Variants in SCAF11 observed in about 807,000 individuals in gnomAD.
The protein encoded by SCAF11 is SR-related CTD associated factor 11.
SCAF11 carries 47 observed loss-of-function variants against 140.5 expected under a neutral mutation model. The ratio of observed to expected loss-of-function variants is 0.33; its 90% CI spans 0.26 to 0.43. The LOEUF (loss-of-function observed/expected upper bound fraction) is 0.43, where lower values mean the gene tolerates loss of function less well. Among genes scored for constraint, SCAF11 ranks in the 20% least tolerant of loss-of-function variants. The probability of loss-of-function intolerance (pLI) is 1.00; values close to 1 mark genes in which losing one functional copy is unlikely to be tolerated. For missense variants in SCAF11, 1,645 were observed against 1,705.1 expected, an observed-to-expected ratio of 0.96 and a Z score of 0.62; for synonymous variants, 557 against 579.4, an observed-to-expected ratio of 0.96 and a Z score of 0.55.
chr12:45,950,172 G>A (rs1240011967), intron 4 of SCAF11, among the ~76,000 whole-genome samples: 1 of 152,146 alleles, frequency 6.6e-6, no homozygotes, highest in Non-Finnish European at 1.5e-5. Context: ...GGACCTTGGT[G>A]AGGGTAGTGT....
At position 45,926,212 on chromosome 12, in the gene SCAF11, TGAG is replaced by T; in HGVS notation, c.3486_3488del (p.Tyr1162_Ser1163delinsTer). On this transcript the variant is annotated stop_gained and inframe_deletion, in exon 11 of 15. Transcript: ENST00000369367. LOFTEE classifies it high-confidence loss of function. The stretch of plus-strand genomic sequence containing the variant: ...GACCTGAAGAATTTCTGCCTCGTCG[TGAG>T]TAGTAGTTTTGTACATCTGCTGGCA... The T allele has an allele frequency of 6.2e-7, 1 of 1,614,206 alleles. No homozygotes were observed. The highest frequency in any genetic ancestry group is 8.5e-7 in the Non-Finnish European group (1 of 1,180,020).
chr12:45,959,221 T>C (rs1368863313), intron 3 of SCAF11, among the ~76,000 whole-genome samples: 2 of 151,796 alleles, frequency 1.3e-5, no homozygotes, highest in African/African-American at 4.8e-5. Flanking sequence ...TGAGCCGAGA[T>C]GGTTCCACTG....
intron 1 of SCAF11, among the ~76,000 whole-genome samples, chr12:45,987,644 C>A (rs11183271): frequency 6.6e-6 from 1 of 151,922 alleles, no homozygotes; most frequent in Non-Finnish European, 1.5e-5. Flanking sequence ...ACCACAACAG[C>A]GTAGGGGAAA....
At chr12:45,930,461 T>C (rs1368807293) in intron 10 of SCAF11, among the ~76,000 whole-genome samples, 15 of 150,628 alleles carry the variant, frequency 1.0e-4, no homozygotes, top group Non-Finnish European at 3.0e-5. Flanking sequence ...TTTTTGTTTT[T>C]TTTTTTTTTT....
In SCAF11 at chr12:45,990,315, C is replaced by T. The variant is rs1004634608; in HGVS notation, c.-22+38G>A. On this transcript the variant is annotated intron_variant, in intron 1 of 14. Coordinates refer to ENST00000369367, the MANE Select transcript of SCAF11 (RefSeq NM_004719.3). The stretch of plus-strand genomic sequence containing the variant: ...AACCCTCGTCTCTCCCAGACAGCTG[C>T]CCAAGCCCATCCACCCCGCGGGTCG... 32 of 1,231,810 alleles carry T rather than the reference C, an allele frequency of 2.6e-5. No homozygotes were observed. The South Asian group carries it at 2.9e-4, about 11-fold the overall frequency. The allele number at this position is 1,231,810 out of a possible 1,614,324, so 76.3% of individuals were successfully genotyped here.
At chr12:45,991,112 G>C (rs1043971803), upstream of SCAF11, among the ~76,000 whole-genome samples, 2 of 152,220 alleles carry the variant, frequency 1.3e-5, no homozygotes, top group African/African-American at 4.8e-5. Flanking sequence ...TGGCTGCGCT[G>C]CCCACCTGAA....
rs748802133 is a variant in SCAF11 at position 45,928,811 on chromosome 12, T to G, written c.890A>C (p.Glu297Ala). 6.6e-5 allele frequency: 106 copies of G among 1,612,936 alleles called. 1 individual carries two copies. Among genetic ancestry groups the G allele is most frequent in the Admixed American group, 1.5e-4 (9 of 59,984 alleles). The change falls in exon 11 of 15, where the codon GAA becomes GCA. Residue 297 changes from glutamate (E) to alanine (A), a missense_variant. Physicochemically the swap from Glu to Ala is moderately radical, Grantham distance 107. Around this residue, in one of 2 missense-constraint regions of SCAF11, gnomAD observed 1,582 missense variants for 1,609.2 expected, o/e 0.98. Coordinates refer to ENST00000369367, the MANE Select transcript of SCAF11 (RefSeq NM_004719.3). ...YALAHTQEGEEKKQTSGTSNT... is the reference protein window; with the variant it reads ...YALAHTQEGEAKKQTSGTSNT... ...TGATGTACCAGAAGTTTGCTTCTTT[T>G]CTTCCCCTTCTTGAGTATGTGCTAA...
chr12:45,926,203 G>A lies in SCAF11; in HGVS notation c.3498C>T (p.Gly1166=), dbSNP rs1237397720. ...ADVQNYYSRR[G]RNSSGPQSGW... is the part of the protein sequence containing the mutation. ...CAGACTGTGGACCTGAAGAATTTCT[G>A]CCTCGTCGTGAGTAGTAGTTTTGTA... Residue 1166 remains glycine (G), a synonymous_variant, in exon 11 of 15, where the codon GGC becomes GGT. Transcript: ENST00000369367. The A allele has an allele frequency of 6.2e-7, 1 of 1,614,092 alleles. No individual in the cohort carries two copies. The highest frequency in any genetic ancestry group is 1.1e-5 in the South Asian group (1 of 91,078).
chr12:45,946,401 A>C (rs1292421836), intron 5 of SCAF11, among the ~76,000 whole-genome samples: 1 of 152,238 alleles, frequency 6.6e-6, no homozygotes, highest in African/African-American at 2.4e-5. Flanking sequence ...GTAAATATCC[A>C]ACAGCTGACA....
intron 3 of SCAF11, chr12:45,961,362 T>C (rs1223989444): frequency 9.8e-6 from 7 of 714,864 alleles, no homozygotes; most frequent in Admixed American, 2.0e-5. Flanking sequence ...AAGGTGTTAT[T>C]AGTGGTAAAC....
chr12:45,970,562 G>A (rs1277696026), intron 1 of SCAF11, among the ~76,000 whole-genome samples: 1 of 152,196 alleles, frequency 6.6e-6, no homozygotes, highest in Non-Finnish European at 1.5e-5. Flanking sequence ...TTATGCCAAG[G>A]GCATACCAGT....
chr12:45,989,978 C>A (rs1254711578), intron 1 of SCAF11, among the ~76,000 whole-genome samples: 2 of 151,738 alleles, frequency 1.3e-5, no homozygotes, highest in East Asian at 3.9e-4. Context: ...AGCCCCTTCC[C>A]CCCCCCCCGT....
At position 45,926,311 on chromosome 12, in the gene SCAF11, C is replaced by T. The variant is rs1171422767; in HGVS notation, c.3390G>A (p.Glu1130=). The T allele has an allele frequency of 3.7e-6, 6 of 1,614,164 alleles. No homozygotes were observed. Among genetic ancestry groups the T allele is most frequent in the Non-Finnish European group, 4.2e-6 (5 of 1,180,022 alleles). Residue 1130 remains glutamate (E), a synonymous_variant, in exon 11 of 15, where the codon GAG becomes GAA. Transcript: ENST00000369367. ...QQSYKRKSEQ[E]FSFDTPADRS... ...TATCTGCTGGTGTATCAAATGAGAA[C>T]TCCTGTTCACTTTTTCGCTTATAGG...
intron 6 of SCAF11, among the ~76,000 whole-genome samples, chr12:45,940,171 T>C (rs924224981): frequency 6.6e-6 from 1 of 152,000 alleles, no homozygotes; most frequent in African/African-American, 2.4e-5. Context: ...ACAAAAGAAA[T>C]GTCCAAATTA....
At chr12:45,980,901 A>T (rs1269642605) in intron 1 of SCAF11, among the ~76,000 whole-genome samples, 2 of 152,178 alleles carry the variant, frequency 1.3e-5, no homozygotes, top group Non-Finnish European at 2.9e-5. Context: ...CACTAATAGG[A>T]AAAACTAAAC....
chr12:45,949,023 G>T lies in SCAF11; in HGVS notation c.298-486C>A, dbSNP rs1945489392. On this transcript the variant is annotated intron_variant, in intron 4 of 14. Transcript: ENST00000369367. ...AATGTGTTAGGACTCGACTGTAAAG[G>T]TTCTTGAATAAGAAAATCTACAGGC... is the stretch of plus-strand genomic sequence containing the variant. 1.3e-5 allele frequency among the ~76,000 whole-genome samples: 2 copies of T among 152,260 alleles called. 1 individual carries two copies. The highest frequency in any genetic ancestry group is 4.1e-4 in the South Asian group (2 of 4,822).
At chr12:45,969,954 G>A (rs1003300448) in intron 1 of SCAF11, among the ~76,000 whole-genome samples, 2 of 152,028 alleles carry the variant, frequency 1.3e-5, no homozygotes, top group African/African-American at 4.8e-5. Context: ...CTGGAGTGCA[G>A]TGGCGCATCT....
intron 6 of SCAF11, among the ~76,000 whole-genome samples, chr12:45,942,103 T>A (rs1193194070): frequency 1.3e-5 from 2 of 152,256 alleles, no homozygotes; most frequent in Non-Finnish European, 2.9e-5. Context: ...ATAATACATA[T>A]AACATATAAA....
intron 1 of SCAF11, among the ~76,000 whole-genome samples, chr12:45,984,687 C>T (rs1004714622): frequency 3.3e-5 from 5 of 149,342 alleles, no homozygotes; most frequent in Admixed American, 1.3e-4. Flanking sequence ...ACTTGCTCTT[C>T]GCACTTCCTT....
Sources: gnomAD v4.1 joint callset for allele counts (sites outside exome capture counted in the v4.1 genomes callset) on GRCh38, gnomAD v4.1.1 for gene constraint, gnomAD v4.1.1 regional missense constraint, MANE v1.5 for transcripts, NCBI Gene and HGNC (gene_info 2026-07-23, HGNC 2026-07-21) for gene names.